Variants in PIK3C2G observed in about 807,000 individuals in gnomAD.
PIK3C2G encodes phosphatidylinositol 3-kinase C2 domain-containing subunit gamma.
A neutral mutation model predicts 181.1 loss-of-function variants in PIK3C2G; 168 were observed. The observed-to-expected ratio is 0.93, with a 90% CI of 0.82 to 1.05. The LOEUF (loss-of-function observed/expected upper bound fraction) is 1.05. PIK3C2G is among the 50% of genes least tolerant of loss of function. PIK3C2G has a pLI of 0.00. For missense variants in PIK3C2G, 1,869 were observed against 1,732.8 expected (o/e 1.08, Z -1.40); for synonymous variants, 573 against 592.2 (o/e 0.97, Z 0.47).
intron 18 of PIK3C2G, among the ~76,000 whole-genome samples, chr12:18,477,689 C>T (rs1939145297): frequency 6.6e-6 from 1 of 152,158 alleles, no homozygotes; most frequent in Non-Finnish European, 1.5e-5. Context: ...TCAAACACAA[C>T]TCCAGATCTT....
At chr12:18,268,416 T>C (rs1041160102) in intron 1 of PIK3C2G, among the ~76,000 whole-genome samples, 1 of 152,082 alleles carries the variant, frequency 6.6e-6, no homozygotes, top group Non-Finnish European at 1.5e-5. Context: ...ATTCTAAGAT[T>C]AGAGATATCA....
chr12:18,508,956 C>T (rs950534453), intron 24 of PIK3C2G, among the ~76,000 whole-genome samples: 1 of 152,070 alleles, frequency 6.6e-6, no homozygotes, highest in Non-Finnish European at 1.5e-5. Context: ...CGTGTTTCTT[C>T]TATTGTCTAT....
intron 13 of PIK3C2G, among the ~76,000 whole-genome samples, chr12:18,372,193 GTA>G (rs1026190829): frequency 6.6e-5 from 10 of 152,006 alleles, no homozygotes; most frequent in African/African-American, 2.2e-4. Context: ...TAAGCTGTGT[GTA>G]TGTGTGTGTG....
chr12:18,622,743 T>C (rs535764556), intron 31 of PIK3C2G, among the ~76,000 whole-genome samples: 1 of 152,036 alleles, frequency 6.6e-6, no homozygotes, highest in Non-Finnish European at 1.5e-5. Context: ...ATAATAGCTA[T>C]TCTAACAGGT....
rs765000942 is a variant in PIK3C2G, at chr12:18,399,805, C to T, written c.2273C>T (p.Thr758Ile). Reference sequence around the variant, plus strand: ...ATGCATACCATTTTGAGAAGATGGACATTTTCTCAACCTTTAGAGGCTCTT... The same window carrying T: ...ATGCATACCATTTTGAGAAGATGGATATTTTCTCAACCTTTAGAGGCTCTT... ...SEMHTILRRW[T>I]FSQPLEALGL... The change falls in exon 16 of 33, where the codon ACA (threonine) becomes ATA (isoleucine). Residue 758 changes from threonine (T) to isoleucine (I), a missense_variant. Thr to Ile is a moderately conservative substitution (Grantham distance 89). Coordinates refer to ENST00000538779, the MANE Select transcript of PIK3C2G (RefSeq NM_001288772.2). 1.2e-6 allele frequency: 2 copies of T among 1,603,546 alleles called. No homozygotes were observed. The highest frequency in any genetic ancestry group is 1.7e-5 in the Admixed American group (1 of 59,894).
chr12:18,383,695 G>A (rs1210756182), intron 14 of PIK3C2G, among the ~76,000 whole-genome samples: 1 of 152,120 alleles, frequency 6.6e-6, no homozygotes, highest in East Asian at 1.9e-4. Context: ...ACCAGGTTTG[G>A]ACATGATTAT....
At chr12:18,583,415 C>G (rs1293369836) in intron 29 of PIK3C2G, among the ~76,000 whole-genome samples, 1 of 152,046 alleles carries the variant, frequency 6.6e-6, no homozygotes, top group Non-Finnish European at 1.5e-5. Context: ...GTCCTCCTGG[C>G]CTGAGTCTCC....
chr12:18,404,687 A>C (rs1944423515), intron 16 of PIK3C2G, among the ~76,000 whole-genome samples: 1 of 152,148 alleles, frequency 6.6e-6, no homozygotes, highest in African/African-American at 2.4e-5. Context: ...TAACATTAGA[A>C]GAGAATTGTA....
intron 11 of PIK3C2G, among the ~76,000 whole-genome samples, chr12:18,357,086 G>A (rs1023518510): frequency 6.6e-6 from 1 of 151,998 alleles, no homozygotes; most frequent in African/African-American, 2.4e-5. Flanking sequence ...ACATATAAAA[G>A]ATCAAGAGAT....
At chr12:18,664,838 T>G in the PIK3C2G span, among the ~76,000 whole-genome samples, 1 of 151,562 alleles carries the variant, frequency 6.6e-6, no homozygotes. Context: ...CAAAAAATGA[T>G]GAGTTCATGT....
At chr12:18,400,846 C>T (rs916442347) in intron 16 of PIK3C2G, among the ~76,000 whole-genome samples, 1 of 151,870 alleles carries the variant, frequency 6.6e-6, no homozygotes, top group African/African-American at 2.4e-5. Flanking sequence ...GATGTGTGCT[C>T]GGATGCCTAC....
At chr12:18,602,762 G>A (rs939103353) in intron 30 of PIK3C2G, among the ~76,000 whole-genome samples, 11 of 152,202 alleles carry the variant, frequency 7.2e-5, no homozygotes, top group East Asian at 3.9e-4. Context: ...GAATGAACCC[G>A]GAAGAGAGAC....
chr12:18,382,569 C>G (rs749912462), intron 14 of PIK3C2G, among the ~76,000 whole-genome samples: 1 of 152,114 alleles, frequency 6.6e-6, no homozygotes, highest in Non-Finnish European at 1.5e-5. Flanking sequence ...CTGGGCAGCA[C>G]CCTCTAGAAC....
chr12:18,327,472 T>G (rs1951397331), intron 8 of PIK3C2G, among the ~76,000 whole-genome samples: 1 of 152,080 alleles, frequency 6.6e-6, no homozygotes. Flanking sequence ...ATATGAATAT[T>G]TTAAAGTACC....
At chr12:18,404,881 A>T (rs1028653438) in intron 16 of PIK3C2G, among the ~76,000 whole-genome samples, 7 of 152,146 alleles carry the variant, frequency 4.6e-5, no homozygotes, top group Non-Finnish European at 8.8e-5. Flanking sequence ...TGAAAAAAGA[A>T]GAAAATGAGA....
chr12:18,338,943 G>A (rs1280181522), intron 9 of PIK3C2G, among the ~76,000 whole-genome samples: 1 of 151,876 alleles, frequency 6.6e-6, no homozygotes, highest in Non-Finnish European at 1.5e-5. Context: ...TCATGTATAC[G>A]AGTGTATACA....
the PIK3C2G span, among the ~76,000 whole-genome samples, chr12:18,666,289 A>C: frequency 6.6e-6 from 1 of 152,062 alleles, no homozygotes; most frequent in African/African-American, 2.4e-5. Context: ...CTTCAATTAA[A>C]GGGCATATTT....
chr12:18,358,270 C>G (rs1328993267), intron 11 of PIK3C2G, among the ~76,000 whole-genome samples: 1 of 152,218 alleles, frequency 6.6e-6, no homozygotes, highest in African/African-American at 2.4e-5. Flanking sequence ...CGGAAGTAGT[C>G]CACTAGGCAC....
chr12:18,383,684 T>G (rs1942982763), intron 14 of PIK3C2G, among the ~76,000 whole-genome samples: 1 of 152,200 alleles, frequency 6.6e-6, no homozygotes, highest in African/African-American at 2.4e-5. Flanking sequence ...CTAGATTGTG[T>G]ACCAGGTTTG....
Sources: gnomAD v4.1 joint callset for allele counts (sites outside exome capture counted in the v4.1 genomes callset) on GRCh38, gnomAD v4.1.1 for gene constraint, MANE v1.5 for transcripts, NCBI Gene and HGNC (gene_info 2026-07-23, HGNC 2026-07-21) for gene names.